The following ARID2 variants were observed in gnomAD, a reference collection of about 807,000 sequenced individuals.
The protein encoded by ARID2 is AT-rich interaction domain 2.
Under a neutral mutation model 184.6 loss-of-function variants are expected in ARID2, and 32 were observed. The ratio of observed to expected loss-of-function variants is 0.17; its 90% CI spans 0.13 to 0.23. The LOEUF (loss-of-function observed/expected upper bound fraction) is 0.23, where lower values mean the gene tolerates loss of function less well. Among genes scored for constraint, ARID2 ranks in the 10% least tolerant of loss-of-function variants. The pLI, the probability that ARID2 is intolerant of heterozygous loss-of-function variation, is 1.00. For synonymous variants in ARID2, 836 were observed against 772.6 expected (o/e 1.08, Z -1.36); for missense variants, 1,696 against 2,197.6 (o/e 0.77, Z 4.56).
intron 3 of ARID2, among the ~76,000 whole-genome samples, chr12:45,769,369 G>T (rs1375710552): frequency 6.6e-6 from 1 of 152,134 alleles, no homozygotes; most frequent in African/African-American, 2.4e-5. Context: ...GAACTAAGTG[G>T]GATTCTATAA....
chr12:45,849,547 T>A (rs1311753901), intron 13 of ARID2, 33 bp from the exon 14 acceptor site: 1 of 1,550,992 alleles, frequency 6.4e-7, no homozygotes, highest in Non-Finnish European at 8.8e-7. Context: ...GTGATAGTTA[T>A]CAAAACTTAC....
intron 5 of ARID2, among the ~76,000 whole-genome samples, chr12:45,819,796 T>G (rs1221186688): frequency 1.3e-5 from 2 of 151,964 alleles, no homozygotes; most frequent in Non-Finnish European, 2.9e-5. Flanking sequence ...TAGGCTGGAA[T>G]GCAGTGATGC....
chr12:45,791,957 T>C (rs1485295592), intron 3 of ARID2, among the ~76,000 whole-genome samples: 1 of 152,190 alleles, frequency 6.6e-6, no homozygotes, highest in African/African-American at 2.4e-5. Flanking sequence ...TGGTAATTAG[T>C]GCACTTTCTT....
At position 45,852,631 on chromosome 12, in the gene ARID2, T is replaced by G. The variant is rs1943576776; in HGVS notation, c.4508T>G (p.Val1503Gly). The G allele has an allele frequency of 6.2e-7, 1 of 1,614,030 alleles. No individual in the cohort carries two copies. The highest frequency in any genetic ancestry group is 1.3e-5 in the African/African-American group (1 of 74,926). ...VSHSPALSSDVRSTNGTAECK... is the reference protein window; with the variant it reads ...VSHSPALSSDGRSTNGTAECK... ...CATTCTCCTGCCCTATCATCTGACGTTCGGTCTACAAATGGCACAGCAGAA... is the reference window on the plus strand; with the variant it reads ...CATTCTCCTGCCCTATCATCTGACGGTCGGTCTACAAATGGCACAGCAGAA... The change falls in exon 15 of 21, where the codon GTT becomes GGT. Residue 1503 changes from valine to glycine, a missense_variant. Transcript: ENST00000334344.
rs139858063 is a variant in ARID2, at chr12:45,898,911, C to A, written c.5363+5190C>A. 4.8e-3 allele frequency among the ~76,000 whole-genome samples: 735 copies of A among 151,970 alleles called. 7 individuals carry two copies. The highest frequency in any genetic ancestry group is 0.017 in the African/African-American group (695 of 41,434). On this transcript the variant is annotated intron_variant, in intron 20 of 20. Transcript: ENST00000334344. The stretch of plus-strand genomic sequence containing the variant: ...CCTGTGTGACAGAGCAAGATTGCAT[C>A]TCAAATAAATAAATAGATTGTATAG...
chr12:45,901,072 C>T (rs983891440), intron 20 of ARID2, among the ~76,000 whole-genome samples: 2 of 147,814 alleles, frequency 1.4e-5, no homozygotes, highest in Admixed American at 6.7e-5. Flanking sequence ...GTAATGGGAA[C>T]TTTTCTGGTA....
chr12:45,879,401 T>A (rs1288937679), intron 16 of ARID2, among the ~76,000 whole-genome samples: 3 of 152,208 alleles, frequency 2.0e-5, no homozygotes, highest in Non-Finnish European at 4.4e-5. Flanking sequence ...TTCTTCAGTC[T>A]TCACTGTGAG....
intron 16 of ARID2, among the ~76,000 whole-genome samples, chr12:45,871,356 G>A (rs1413495176): frequency 6.6e-6 from 1 of 152,080 alleles, no homozygotes; most frequent in Non-Finnish European, 1.5e-5. Context: ...GCTTTTCTGC[G>A]TCTATTGCTA....
rs2138173430 is a variant in ARID2, at chr12:45,851,755, G to C, written c.3632G>C (p.Gly1211Ala). The C allele has an allele frequency of 6.2e-7, 1 of 1,614,090 alleles. No homozygotes were observed. Among genetic ancestry groups the C allele is most frequent in the African/African-American group, 1.3e-5 (1 of 75,040 alleles). The part of the protein sequence containing the change: ...ITMSGTQTGV[G>A]LPVQTLPATQ... The stretch of plus-strand genomic sequence containing the variant: ...ATGAGCGGAACGCAGACAGGAGTTG[G>C]ACTTCCAGTACAAACGCTTCCAGCC... Residue 1211 changes from glycine to alanine, a missense_variant, in exon 15 of 21, where the codon GGA becomes GCA. Physicochemically the swap from Gly to Ala is moderately conservative, Grantham distance 60. This residue lies in a region of ARID2 where 428 missense variants were observed against 409.1 expected (regional missense o/e 1.05). Coordinates refer to ENST00000334344, the MANE Select transcript of ARID2 (RefSeq NM_152641.4).
At chr12:45,853,426 A>G (rs916451934) in intron 15 of ARID2, among the ~76,000 whole-genome samples, 2 of 152,130 alleles carry the variant, frequency 1.3e-5, no homozygotes, top group African/African-American at 4.8e-5. Flanking sequence ...TGTAATTTCA[A>G]TTTGTTTCAG....
chr12:45,732,798 A>G (rs181786537), intron 3 of ARID2, among the ~76,000 whole-genome samples: 4 of 152,326 alleles, frequency 2.6e-5, no homozygotes, highest in Admixed American at 1.3e-4. Flanking sequence ...ACCAGAAAGT[A>G]CTATAGAATA....
intron 3 of ARID2, among the ~76,000 whole-genome samples, chr12:45,768,524 T>C (rs2138020328): frequency 6.6e-6 from 1 of 152,344 alleles, no homozygotes; most frequent in Non-Finnish European, 1.5e-5. Flanking sequence ...AGAAGTATGC[T>C]GTAAGACAGA....
rs1944536733 is a variant in ARID2, at chr12:45,906,858, T to A, written c.*1780T>A. The A allele has an allele frequency of 2.6e-5, 6 of 232,208 alleles. No homozygotes were observed. The highest frequency in any genetic ancestry group is 5.6e-5 in the Admixed American group (1 of 17,750). 14.4% of individuals were successfully genotyped at this position (232,208 alleles called of 1,614,324 possible). ...TACATTTGGCTAAAAGCTTTTATTG[T>A]TTGATGTTGTGTTTCTTGACTGTTT... On this transcript the variant is annotated 3_prime_UTR_variant, in exon 21 of 21. Transcript: ENST00000334344.
chr12:45,883,202 A>G (rs1944132347), intron 16 of ARID2, among the ~76,000 whole-genome samples: 2 of 152,254 alleles, frequency 1.3e-5, no homozygotes, highest in Non-Finnish European at 2.9e-5. Flanking sequence ...CTGATTTGCC[A>G]TAAATAATTT....
chr12:45,753,670 G>A lies in ARID2; in HGVS notation c.284+22356G>A, dbSNP rs570582449. The stretch of plus-strand genomic sequence containing the variant: ...CAGGCTGGAGTGCAATAGTGCGATT[G>A]CGTCTCACTGCAACCTTTGGTCAAG... On this transcript the variant is annotated intron_variant, in intron 3 of 20. Transcript: ENST00000334344. Among the ~76,000 whole-genome samples, 11 of 152,018 alleles carry A rather than the reference G, an allele frequency of 7.2e-5. No homozygotes were observed. In the East Asian group the frequency reaches 2.1e-3, roughly 29 times the overall value.
chr12:45,824,773 G>A (rs952101047), intron 6 of ARID2, among the ~76,000 whole-genome samples: 10 of 151,594 alleles, frequency 6.6e-5, no homozygotes, highest in African/African-American at 2.2e-4. Flanking sequence ...TACCTGTGCC[G>A]TCAATGTGCA....
chr12:45,738,495 G>T (rs747184872), intron 3 of ARID2, among the ~76,000 whole-genome samples: 2 of 151,940 alleles, frequency 1.3e-5, no homozygotes, highest in Non-Finnish European at 2.9e-5. Context: ...TTGTATTTTA[G>T]TAGAGATGGG....
At chr12:45,839,224 G>C (rs544568964) in intron 10 of ARID2, 105 bp from the exon 11 acceptor site, 22 of 1,079,404 alleles carry the variant, frequency 2.0e-5, no homozygotes, top group Non-Finnish European at 2.5e-5. Flanking sequence ...TCATGGACTA[G>C]CATTTATTCA....
At chr12:45,786,400 A>C (rs1195309258) in intron 3 of ARID2, among the ~76,000 whole-genome samples, 1 of 152,250 alleles carries the variant, frequency 6.6e-6, no homozygotes, top group African/African-American at 2.4e-5. Context: ...TAATATTTGT[A>C]ATCAGTATTG....
Sources: gnomAD v4.1 joint callset for allele counts (sites outside exome capture counted in the v4.1 genomes callset) on GRCh38, gnomAD v4.1.1 for gene constraint, gnomAD v4.1.1 regional missense constraint, MANE v1.5 for transcripts, NCBI Gene and HGNC (gene_info 2026-07-23, HGNC 2026-07-21) for gene names.